The following FAM135B variants were observed in gnomAD, a reference collection of about 807,000 sequenced individuals.
FAM135B encodes protein FAM135B.
A neutral mutation model predicts 127.7 loss-of-function variants in FAM135B; 43 were observed. The observed-to-expected ratio is 0.34, with a 90% CI of 0.26 to 0.43. The LOEUF is 0.43. Ranked by LOEUF, FAM135B falls within the 20% of genes least tolerant of loss-of-function variation. The probability of loss-of-function intolerance (pLI) is 1.00; values close to 1 mark genes in which losing one functional copy is unlikely to be tolerated. For synonymous variants in FAM135B, 670 were observed against 665.1 expected (o/e 1.01, Z -0.11); for missense variants, 1,558 against 1,725.6 (o/e 0.90, Z 1.72).
chr8:138,327,709 T>C (rs1827890039), intron 2 of FAM135B, among the ~76,000 whole-genome samples: 1 of 152,162 alleles, frequency 6.6e-6, no homozygotes, highest in Admixed American at 6.5e-5. Context: ...GTCCCTGACT[T>C]GGAGGAGCTT....
Position 138,141,461 on chromosome 8 carries a change from G to A in FAM135B, c.3639-112C>T. On this transcript the variant is annotated intron_variant, in intron 16 of 19. Transcript: ENST00000395297. The surrounding 1 kb of genome is among the most constrained non-coding windows in gnomAD (Gnocchi z 4.7). Reference sequence around the variant, plus strand: ...GTTCTCCACCTCCCACTGAATGTAGGGGAACTGGCAAAGAGAACAGGGACT... The same window carrying A: ...GTTCTCCACCTCCCACTGAATGTAGAGGAACTGGCAAAGAGAACAGGGACT... The A allele has an allele frequency of 9.1e-7, 1 of 1,102,792 alleles. No homozygotes were observed. Among genetic ancestry groups the A allele is most frequent in the Non-Finnish European group, 1.3e-6 (1 of 744,496 alleles). The allele number at this position is 1,102,792 out of a possible 1,614,324, so 68.3% of individuals were successfully genotyped here.
chr8:138,281,789 C>A (rs891735079), intron 3 of FAM135B, among the ~76,000 whole-genome samples: 1 of 152,056 alleles, frequency 6.6e-6, no homozygotes, highest in African/African-American at 2.4e-5. Context: ...TTGTGTTATA[C>A]TGATTATCTT....
intron 3 of FAM135B, among the ~76,000 whole-genome samples, chr8:138,279,625 G>A (rs1563850926): frequency 6.6e-6 from 1 of 152,156 alleles, no homozygotes; most frequent in Non-Finnish European, 1.5e-5. Flanking sequence ...AAGTAATCAT[G>A]AAAGATTAGA....
chr8:138,271,756 A>T (rs1823393626), intron 3 of FAM135B, among the ~76,000 whole-genome samples: 2 of 152,220 alleles, frequency 1.3e-5, no homozygotes, highest in South Asian at 2.1e-4. Context: ...TAATTATATG[A>T]TTGGAAAAGT....
At chr8:138,206,581 C>T (rs1177446571) in intron 7 of FAM135B, among the ~76,000 whole-genome samples, 1 of 147,956 alleles carries the variant, frequency 6.8e-6, no homozygotes, top group Non-Finnish European at 1.5e-5. Context: ...CTCTATCATC[C>T]CCTCTACCTA....
intron 11 of FAM135B, among the ~76,000 whole-genome samples, chr8:138,169,528 ATTC>A (rs1820242336): frequency 6.7e-6 from 1 of 148,668 alleles, no homozygotes; most frequent in South Asian, 2.1e-4. Flanking sequence ...CTCTTTAAAT[ATTC>A]TTCTCAGCAT....
Position 138,139,091 on chromosome 8 carries a change from A to G in FAM135B, c.3796T>C (p.Trp1266Arg). The G allele has an allele frequency of 6.2e-7, 1 of 1,603,636 alleles. No individual in the cohort carries two copies. The highest frequency in any genetic ancestry group is 1.1e-5 in the South Asian group (1 of 90,800). ...GATTTCTTCAGTTTCTGCATGAGCC[A>G]TAAGCCTAGGAAGACAAAAACAAAA... is the stretch of plus-strand genomic sequence containing the variant. Reference protein sequence around the residue: ...NNSTLVSTGLWLMQKLKKSGS... With the variant: ...NNSTLVSTGLRLMQKLKKSGS... Residue 1266 changes from tryptophan to arginine, a missense_variant, in exon 18 of 20, where the codon TGG (tryptophan) becomes CGG (arginine). By Grantham distance (101) the Trp-to-Arg change is moderately radical. Around this residue, in one of 5 missense-constraint regions of FAM135B, gnomAD observed 194 missense variants for 333.8 expected, o/e 0.58. Coordinates refer to ENST00000395297, the MANE Select transcript of FAM135B (RefSeq NM_015912.4).
intron 2 of FAM135B, among the ~76,000 whole-genome samples, chr8:138,332,355 A>G (rs538564896): frequency 3.9e-5 from 6 of 152,258 alleles, no homozygotes; most frequent in African/African-American, 1.4e-4. Context: ...GGAGGAAAAA[A>G]TATTTGCGTT....
intron 9 of FAM135B, 62 bp from the exon 10 acceptor site, chr8:138,178,752 C>T (rs2130985448): frequency 2.0e-6 from 3 of 1,492,016 alleles, no homozygotes; most frequent in Non-Finnish European, 2.8e-6. Flanking sequence ...GAGCAGTCTT[C>T]TTCCTGAAGT....
At chr8:138,365,043 C>T (rs1262889311) in intron 2 of FAM135B, among the ~76,000 whole-genome samples, 1 of 152,100 alleles carries the variant, frequency 6.6e-6, no homozygotes, top group African/African-American at 2.4e-5. Context: ...GATGGACTTT[C>T]ACCATGTTGG....
At chr8:138,200,569 C>T (rs1205918028) in intron 7 of FAM135B, among the ~76,000 whole-genome samples, 1 of 152,142 alleles carries the variant, frequency 6.6e-6, no homozygotes, top group African/African-American at 2.4e-5. Flanking sequence ...AATATAAATA[C>T]GGTGAAACAA....
intron 7 of FAM135B, among the ~76,000 whole-genome samples, chr8:138,219,318 T>A (rs182509706): frequency 6.6e-6 from 1 of 152,284 alleles, no homozygotes; most frequent in Non-Finnish European, 1.5e-5. Context: ...GAGAACAGGT[T>A]GATATTTTAG....
At chr8:138,493,069 C>G (rs891448131) in intron 1 of FAM135B, among the ~76,000 whole-genome samples, 1 of 152,198 alleles carries the variant, frequency 6.6e-6, no homozygotes, top group African/African-American at 2.4e-5. Context: ...AGATCCCAGG[C>G]TCACAGTGCC....
intron 1 of FAM135B, among the ~76,000 whole-genome samples, chr8:138,414,892 C>G (rs1834056163): frequency 2.0e-5 from 3 of 152,096 alleles, no homozygotes; most frequent in African/African-American, 7.2e-5. Context: ...GTCCTCATCC[C>G]TCATTCGAAT....
At chr8:138,269,087 A>G (rs1448976835) in intron 3 of FAM135B, among the ~76,000 whole-genome samples, 1 of 152,222 alleles carries the variant, frequency 6.6e-6, no homozygotes, top group African/African-American at 2.4e-5. Flanking sequence ...GTTCCAAACA[A>G]CTTAACACAG....
intron 1 of FAM135B, among the ~76,000 whole-genome samples, chr8:138,383,889 C>T (rs546891416): frequency 6.6e-6 from 1 of 152,320 alleles, no homozygotes; most frequent in Admixed American, 6.5e-5. Context: ...TTCCCATTCC[C>T]TTTGGTGCCC....
At chr8:138,354,592 C>T (rs1015662307) in intron 2 of FAM135B, among the ~76,000 whole-genome samples, 2 of 152,178 alleles carry the variant, frequency 1.3e-5, no homozygotes. Context: ...CCACCTGTCT[C>T]TCTTACACTG....
chr8:138,404,315 TA>T (rs1468407190), intron 1 of FAM135B, among the ~76,000 whole-genome samples: 2 of 152,212 alleles, frequency 1.3e-5, no homozygotes, highest in Non-Finnish European at 2.9e-5. Flanking sequence ...ATGTTATTGC[TA>T]AAAAATTATA....
At chr8:138,281,045 C>T (rs767248417) in intron 3 of FAM135B, among the ~76,000 whole-genome samples, 7 of 152,166 alleles carry the variant, frequency 4.6e-5, no homozygotes, top group South Asian at 2.1e-4. Flanking sequence ...CCAGGGCTGT[C>T]GGGAGCTGCT....
Sources: gnomAD v4.1 joint callset for allele counts (sites outside exome capture counted in the v4.1 genomes callset) on GRCh38, gnomAD v4.1.1 for gene constraint, gnomAD v4.1.1 regional missense constraint, Gnocchi (gnomAD v3.1) non-coding constraint, MANE v1.5 for transcripts, NCBI Gene and HGNC (gene_info 2026-07-23, HGNC 2026-07-21) for gene names.